The following KDM6A variants were observed in gnomAD, a reference collection of about 807,000 sequenced individuals.
KDM6A encodes lysine demethylase 6A.
A neutral mutation model predicts 117.6 loss-of-function variants in KDM6A; 11 were observed. The ratio of observed to expected loss-of-function variants is 0.09; its 90% CI spans 0.06 to 0.15. KDM6A has a LOEUF of 0.15. KDM6A is among the 10% of genes least tolerant of loss of function. The pLI, the probability that KDM6A is intolerant of heterozygous loss-of-function variation, is 1.00. For missense variants in KDM6A, 799 were observed against 1,077.3 expected (o/e 0.74, Z 3.62); for synonymous variants, 384 against 396.1 (o/e 0.97, Z 0.36).
chrX:44,982,757 A>T (rs2039975185), intron 4 of KDM6A, among the ~76,000 whole-genome samples: 1 of 111,657 alleles, frequency 9.0e-6, no homozygotes, highest in African/African-American at 3.3e-5. Flanking sequence ...CTGATTGGTA[A>T]GGTTTTCTTC....
intron 2 of KDM6A, among the ~76,000 whole-genome samples, chrX:44,928,323 A>G (rs769910419): frequency 2.5e-4 from 28 of 111,889 alleles, no homozygotes; most frequent in Non-Finnish European, 4.9e-4. Flanking sequence ...GTGTGTGCAC[A>G]CATGTGGCAA....
chrX:44,974,390 A>ATAT (rs1161689571), intron 3 of KDM6A, among the ~76,000 whole-genome samples: 1 of 111,314 alleles, frequency 9.0e-6, no homozygotes, highest in African/African-American at 3.3e-5. Flanking sequence ...TTCTTTTTAT[A>ATAT]TCTAACTCTC....
chrX:44,892,994 C>T (rs1390817137), intron 2 of KDM6A, among the ~76,000 whole-genome samples: 2 of 84,197 alleles, frequency 2.4e-5, no homozygotes, highest in Non-Finnish European at 4.5e-5. Flanking sequence ...CAGAGTGAGA[C>T]TCCATCTAAA....
chrX:44,913,987 C>G lies in KDM6A; in HGVS notation c.225+40000C>G, dbSNP rs1297294203. 3.6e-5 allele frequency among the ~76,000 whole-genome samples: 4 copies of G among 111,519 alleles called. No homozygotes were observed. The Admixed American group carries it at 3.8e-4, about 11-fold the overall frequency. On this transcript the variant is annotated intron_variant, in intron 2 of 29. Transcript: ENST00000611820. ...TGGGTAAAGTGTAAAATGTGAGATC[C>G]TATTTCAGCCAATGGAAACTGGACA...
At chrX:45,000,040 G>A (rs1222200198) in intron 4 of KDM6A, among the ~76,000 whole-genome samples, 4 of 111,813 alleles carry the variant, frequency 3.6e-5, no homozygotes, top group African/African-American at 6.5e-5. Context: ...CATCAGTGGT[G>A]GTGGTGTTTG....
chrX:44,882,888 T>C (rs1408422183), intron 2 of KDM6A, among the ~76,000 whole-genome samples: 1 of 111,301 alleles, frequency 9.0e-6, no homozygotes, highest in Non-Finnish European at 1.9e-5. Context: ...TGAGTGATCA[T>C]ATGATGTATT....
intron 27 of KDM6A, among the ~76,000 whole-genome samples, chrX:45,103,295 A>T (rs780330083): frequency 1.3e-4 from 14 of 111,012 alleles, no homozygotes; most frequent in African/African-American, 3.9e-4. Flanking sequence ...TCCCCAAAGA[A>T]GCCCCCATAC....
intron 2 of KDM6A, among the ~76,000 whole-genome samples, chrX:44,913,197 ATG>A (rs1452666491): frequency 9.0e-6 from 1 of 111,187 alleles, no homozygotes. Flanking sequence ...AGAATAGAAA[ATG>A]TATTTTATGT....
At chrX:44,910,806 C>T (rs975646992) in intron 2 of KDM6A, among the ~76,000 whole-genome samples, 46 of 110,919 alleles carry the variant, frequency 4.1e-4, no homozygotes, top group African/African-American at 1.1e-3. Context: ...CAGAGAGCAC[C>T]GGGTTGGGGG....
intron 4 of KDM6A, among the ~76,000 whole-genome samples, chrX:45,009,321 TG>T (rs2041650773): frequency 8.9e-6 from 1 of 112,167 alleles, no homozygotes; most frequent in Non-Finnish European, 1.9e-5. Context: ...GTTCTGACGT[TG>T]TGATAGTGCT....
chrX:44,942,580 G>A (rs1039883138), intron 2 of KDM6A, among the ~76,000 whole-genome samples: 2 of 108,683 alleles, frequency 1.8e-5, no homozygotes, highest in Non-Finnish European at 3.8e-5. Context: ...TAATTGTTTC[G>A]GCTATTCTAG....
intron 2 of KDM6A, among the ~76,000 whole-genome samples, chrX:44,921,086 G>T (rs1456989244): frequency 3.6e-5 from 4 of 109,837 alleles, no homozygotes; most frequent in Admixed American, 9.7e-5. Context: ...TGTTGGCCAG[G>T]CTGTTCTCAA....
At position 44,982,332 on chromosome X, in the gene KDM6A, TA is replaced by T. The variant is rs1434690945; in HGVS notation, c.384+7618del. ...TTTCTTAAAATAGTGATCAATTCATTATTTTTTTATAACCCTAATTTTATAA... is the reference window on the plus strand; with the variant it reads ...TTTCTTAAAATAGTGATCAATTCATTTTTTTTTATAACCCTAATTTTATAA... On this transcript the variant is annotated intron_variant, in intron 4 of 29. Coordinates refer to ENST00000611820, the MANE Select transcript of KDM6A (RefSeq NM_001291415.2). Among the ~76,000 whole-genome samples, 3 of 111,559 alleles carry T rather than the reference TA, an allele frequency of 2.7e-5. No individual in the cohort carries two copies. The Admixed American group carries it at 2.9e-4, about 11-fold the overall frequency.
intron 2 of KDM6A, among the ~76,000 whole-genome samples, chrX:44,946,372 T>C (rs1024489680): frequency 3.8e-4 from 43 of 112,017 alleles, no homozygotes; most frequent in African/African-American, 1.4e-3. Flanking sequence ...ATTACAGGTG[T>C]GAACCACTGC....
chrX:44,873,746 G>A, intron 1 of KDM6A, 34 bp downstream of exon 1: 1 of 1,161,320 alleles, frequency 8.6e-7, no homozygotes, highest in Non-Finnish European at 1.2e-6. Context: ...GGTCGGCTCC[G>A]GACGGGCAGT....
At chrX:45,016,362 A>G (rs964096897) in intron 5 of KDM6A, among the ~76,000 whole-genome samples, 4 of 111,613 alleles carry the variant, frequency 3.6e-5, no homozygotes, top group African/African-American at 1.3e-4. Context: ...AATTTGTGGA[A>G]TTAGTTGATT....
At chrX:44,888,776 T>G (rs1340463377) in intron 2 of KDM6A, among the ~76,000 whole-genome samples, 1 of 111,938 alleles carries the variant, frequency 8.9e-6, no homozygotes, top group Non-Finnish European at 1.9e-5. Flanking sequence ...AGGTCAGATC[T>G]GATGTTTAAA....
intron 12 of KDM6A, 114 bp downstream of exon 12, chrX:45,059,580 T>C (rs2044220223): frequency 5.5e-6 from 3 of 545,321 alleles, no homozygotes; most frequent in Non-Finnish European, 9.4e-6. Flanking sequence ...ATAATCTGTT[T>C]CCATATTTTG....
intron 2 of KDM6A, among the ~76,000 whole-genome samples, chrX:44,903,384 A>G (rs760984975): frequency 8.9e-6 from 1 of 111,928 alleles, no homozygotes; most frequent in African/African-American, 3.2e-5. Context: ...AGATTCTGTC[A>G]TTGTCTTTTG....
Sources: allele counts gnomAD v4.1 joint callset (sites outside exome capture counted in the v4.1 genomes callset), GRCh38; gene constraint gnomAD v4.1.1; transcripts MANE v1.5; gene names NCBI Gene and HGNC (gene_info 2026-07-23, HGNC 2026-07-21).